Variants in SND1 observed in about 807,000 individuals in gnomAD.
SND1 encodes staphylococcal nuclease and tudor domain containing 1, also known as staphylococcal nuclease domain-containing protein 1.
In SND1, 38 loss-of-function variants were observed where a neutral mutation model predicts 121.7. The observed-to-expected ratio is 0.31, with a 90% CI of 0.24 to 0.41. SND1 has a LOEUF of 0.41. Ranked by LOEUF, SND1 falls within the 10% of genes least tolerant of loss-of-function variation. The probability of loss-of-function intolerance (pLI) is 1.00; values close to 1 mark genes in which losing one functional copy is unlikely to be tolerated. For synonymous variants in SND1, 401 were observed against 447.4 expected (o/e 0.90, Z 1.31); for missense variants, 868 against 1,184.6 (o/e 0.73, Z 3.92).
chr7:127,662,889 T>TA, intron 1 of SND1, among the ~76,000 whole-genome samples: 1 of 138,922 alleles, frequency 7.2e-6, no homozygotes, highest in South Asian at 2.2e-4. Flanking sequence ...ACCTCTTTTA[T>TA]CTTTTTTTTT....
chr7:127,745,738 C>A (rs1477732335), intron 10 of SND1, among the ~76,000 whole-genome samples: 3 of 152,138 alleles, frequency 2.0e-5, no homozygotes, highest in Non-Finnish European at 4.4e-5. Context: ...ATTTTATTTT[C>A]TTTTCATCAC....
intron 16 of SND1, chr7:128,000,026 C>G (rs936889922): frequency 2.9e-5 from 4 of 139,648 alleles, no homozygotes; most frequent in African/African-American, 1.1e-4. Context: ...TCTCTTACCT[C>G]TGTAATCATC....
chr7:128,065,385 G>A (rs1015081900), intron 16 of SND1, among the ~76,000 whole-genome samples: 1 of 152,244 alleles, frequency 6.6e-6, no homozygotes, highest in Non-Finnish European at 1.5e-5. Flanking sequence ...CATTGGGGGG[G>A]TCACAGGTCA....
intron 21 of SND1, 46 bp downstream of exon 21, chr7:128,087,097 A>C (rs1310226943): frequency 1.4e-6 from 2 of 1,447,936 alleles, no homozygotes; most frequent in East Asian, 2.3e-5. Context: ...ATCCACTGAC[A>C]CTTAGCCGCT....
intron 10 of SND1, among the ~76,000 whole-genome samples, chr7:127,795,576 A>G (rs1287125498): frequency 1.3e-5 from 2 of 152,222 alleles, no homozygotes; most frequent in East Asian, 1.9e-4. Flanking sequence ...AACTTAGCTA[A>G]TAATAGACTG....
At chr7:128,084,168 C>T (rs1175297743) in intron 18 of SND1, among the ~76,000 whole-genome samples, 1 of 152,210 alleles carries the variant, frequency 6.6e-6, no homozygotes, top group Non-Finnish European at 1.5e-5. Context: ...AAGAATTCCT[C>T]CCCCACCTTC....
intron 1 of SND1, among the ~76,000 whole-genome samples, chr7:127,674,987 G>T: frequency 6.6e-6 from 1 of 152,208 alleles, no homozygotes; most frequent in Non-Finnish European, 1.5e-5. Flanking sequence ...GATCACCTGA[G>T]GTCAGGAGTT....
At chr7:127,730,136 T>C (rs980014496) in intron 10 of SND1, among the ~76,000 whole-genome samples, 2 of 152,074 alleles carry the variant, frequency 1.3e-5, no homozygotes, top group African/African-American at 4.8e-5. Flanking sequence ...ATCCAGCTAA[T>C]TTTGTATTTT....
chr7:127,945,175 C>T (rs552795516), intron 15 of SND1, among the ~76,000 whole-genome samples: 11 of 152,330 alleles, frequency 7.2e-5, no homozygotes, highest in African/African-American at 2.6e-4. Flanking sequence ...ACTGATGTTT[C>T]TTGGCTAACG....
In SND1 at chr7:127,833,541, A is replaced by G. The variant is rs549341925; in HGVS notation, c.1243-10783A>G. Among the ~76,000 whole-genome samples, 7 of 152,264 alleles carry G rather than the reference A, an allele frequency of 4.6e-5. No individual in the cohort carries two copies. In the South Asian group the frequency reaches 1.5e-3, roughly 32 times the overall value. ...TGGCCTGCCAAAATACTGGGATTAC[A>G]GGCATGAGCCACCACACCCAGCCTG... On this transcript the variant is annotated intron_variant, in intron 11 of 23. Coordinates refer to ENST00000354725, the MANE Select transcript of SND1 (RefSeq NM_014390.4).
At chr7:127,936,412 C>T (rs568669088) in intron 15 of SND1, among the ~76,000 whole-genome samples, 12 of 152,222 alleles carry the variant, frequency 7.9e-5, no homozygotes, top group South Asian at 6.3e-4. Flanking sequence ...AAGTGGTTCA[C>T]GCAGTTTTTA....
chr7:128,064,529 C>T (rs1048135878), intron 16 of SND1, among the ~76,000 whole-genome samples: 8 of 152,088 alleles, frequency 5.3e-5, no homozygotes, highest in Admixed American at 6.6e-5. Context: ...ACTCATGCTG[C>T]GGCCTGGGAT....
chr7:128,089,911 A>G, intron 22 of SND1: 1 of 542,744 alleles, frequency 1.8e-6, no homozygotes, highest in Admixed American at 3.1e-5. Context: ...ATGCAGCTGC[A>G]AACTAGAGCG....
At chr7:127,983,696 C>G (rs1022317568) in intron 15 of SND1, among the ~76,000 whole-genome samples, 1 of 151,880 alleles carries the variant, frequency 6.6e-6, no homozygotes, top group South Asian at 2.1e-4. Context: ...ATTGAATATT[C>G]AATATTCAAT....
chr7:127,888,410 G>A (rs966453582), intron 13 of SND1, among the ~76,000 whole-genome samples: 1 of 152,096 alleles, frequency 6.6e-6, no homozygotes, highest in East Asian at 1.9e-4. Flanking sequence ...AGCCCCTCCC[G>A]TTTACCACCT....
chr7:127,806,117 T>A (rs1486540715), intron 10 of SND1, among the ~76,000 whole-genome samples: 1 of 152,200 alleles, frequency 6.6e-6, no homozygotes, highest in Non-Finnish European at 1.5e-5. Flanking sequence ...ACTTATAGGC[T>A]TCTGGGAGGG....
At chr7:127,716,639 A>G (rs538543330) in intron 9 of SND1, among the ~76,000 whole-genome samples, 5 of 152,180 alleles carry the variant, frequency 3.3e-5, no homozygotes, top group African/African-American at 1.2e-4. Context: ...ATCTGGGAAC[A>G]GTGATAATTT....
At chr7:128,038,072 G>A (rs1792784647) in intron 16 of SND1, among the ~76,000 whole-genome samples, 1 of 152,232 alleles carries the variant, frequency 6.6e-6, no homozygotes, top group Admixed American at 6.5e-5. Context: ...TGAGAGCTAT[G>A]AATAGAGTGG....
At chr7:127,915,624 C>T (rs1409030101) in intron 14 of SND1, among the ~76,000 whole-genome samples, 1 of 152,124 alleles carries the variant, frequency 6.6e-6, no homozygotes, top group East Asian at 1.9e-4. Context: ...ACAGGGAATA[C>T]ACAATTTGTT....
Sources: allele counts gnomAD v4.1 joint callset (sites outside exome capture counted in the v4.1 genomes callset), GRCh38; gene constraint gnomAD v4.1.1; transcripts MANE v1.5; gene names NCBI Gene and HGNC (gene_info 2026-07-23, HGNC 2026-07-21).